Variants in PLA2G6 observed in about 807,000 individuals in gnomAD.
PLA2G6 encodes the protein 85/88 kDa calcium-independent phospholipase A2.
Under a neutral mutation model 83.8 loss-of-function variants are expected in PLA2G6, and 62 were observed. The ratio of observed to expected loss-of-function variants is 0.74; its 90% confidence interval spans 0.60 to 0.91. The LOEUF is 0.91. Ranked by LOEUF, PLA2G6 falls within the 40% of genes least tolerant of loss-of-function variation. The probability of loss-of-function intolerance (pLI) is 0.00; values close to 1 mark genes in which losing one functional copy is unlikely to be tolerated. For missense variants in PLA2G6, 944 were observed against 1,102.0 expected (o/e 0.86, Z 2.03); for synonymous variants, 417 against 449.8 (o/e 0.93, Z 0.92).
chr22:38,148,855 ATTTC>A, intron 2 of PLA2G6: 1 of 193,168 alleles, frequency 5.2e-6, no homozygotes, highest in Non-Finnish European at 9.5e-6. Flanking sequence ...GCTCTAGATT[ATTTC>A]TTTTTTTTTT....
intron 2 of PLA2G6, chr22:38,146,438 C>G (rs935703701): frequency 2.0e-5 from 3 of 152,234 alleles, no homozygotes; most frequent in African/African-American, 7.2e-5. Flanking sequence ...CCTGCCTCAG[C>G]CTCCAAAAGT....
At position 38,127,253 on chromosome 22, in the gene PLA2G6, G is replaced by A. The variant is rs955715483; in HGVS notation, c.1349-804C>T. On this transcript the variant is annotated intron_variant, in intron 9 of 16. Coordinates refer to ENST00000332509, the MANE Select transcript of PLA2G6 (RefSeq NM_003560.4). ...GGCACACGGCTCCACAGTGAACAAG[G>A]GAAGCAGAAGAGTGGCTGAGAGAGG... is the stretch of plus-strand genomic sequence containing the variant. 3.3e-6 allele frequency: 4 copies of A among 1,225,592 alleles called. No homozygotes were observed. In the Admixed American group the frequency reaches 1.1e-4, roughly 34 times the overall value. 75.9% of individuals were successfully genotyped at this position (1,225,592 alleles called of 1,614,324 possible). A position where few individuals can be genotyped will look rare whatever the true frequency, so the allele number is the denominator to read the frequency against.
chr22:38,129,488 C>T lies in PLA2G6; in HGVS notation c.1152G>A (p.Glu384=), dbSNP rs2088076225. Residue 384 remains glutamate (E), a synonymous_variant, in exon 8 of 17, where the codon GAG becomes GAA. Coordinates refer to ENST00000332509, the MANE Select transcript of PLA2G6 (RefSeq NM_003560.4). ...AEVDTPNDFG[E]TPTFLASKIG... is the part of the protein sequence containing the mutation. ...TTTTGGAGGCTAGGAATGTAGGAGT[C>T]TCCCCAAAGTCATTCGGGGTGTCCA... 6.2e-7 allele frequency: 1 copy of T among 1,613,776 alleles called. No homozygotes were observed.
chr22:38,118,924 GTTAGTT>G (rs566102915), intron 12 of PLA2G6, among the ~76,000 whole-genome samples: 238 of 151,676 alleles, frequency 1.6e-3, no homozygotes, highest in African/African-American at 5.5e-3. Flanking sequence ...CCAGCTAATT[GTTAGTT>G]TTAAATTTTT....
intron 12 of PLA2G6, among the ~76,000 whole-genome samples, chr22:38,119,371 A>G (rs2087392922): frequency 6.6e-6 from 1 of 152,202 alleles, no homozygotes; most frequent in South Asian, 2.1e-4. Flanking sequence ...AAATTGGCCA[A>G]TCACGTGGAA....
At chr22:38,116,378 G>C (rs563618596) in intron 12 of PLA2G6, 167 bp from the exon 13 acceptor site, 10 of 797,102 alleles carry the variant, frequency 1.3e-5, no homozygotes, top group Non-Finnish European at 2.0e-5. Context: ...GGCTCTCTCC[G>C]GCAGTGCTGG....
chr22:38,120,474 A>G (rs2087458260), intron 12 of PLA2G6, among the ~76,000 whole-genome samples: 1 of 151,042 alleles, frequency 6.6e-6, no homozygotes, highest in African/African-American at 2.5e-5. Context: ...GGCAGGGCAG[A>G]GCCAGGCAGG....
intron 4 of PLA2G6, 42 bp from the exon 5 acceptor site, chr22:38,140,211 A>G (rs542700026): frequency 8.8e-6 from 14 of 1,595,030 alleles, no homozygotes; most frequent in Non-Finnish European, 1.2e-5. Context: ...TAGGATGCTG[A>G]TAAGAACGTA....
At chr22:38,180,767 A>G (rs546731006) in intron 1 of PLA2G6, among the ~76,000 whole-genome samples, 1 of 152,306 alleles carries the variant, frequency 6.6e-6, no homozygotes, top group East Asian at 1.9e-4. Context: ...ACCTCATGGC[A>G]GACTTACGAG....
intron 1 of PLA2G6, among the ~76,000 whole-genome samples, chr22:38,176,477 T>C (rs16998801): frequency 4.6e-5 from 7 of 152,170 alleles, no homozygotes; most frequent in African/African-American, 1.7e-4. Flanking sequence ...TTGGAACAAC[T>C]GTTGGATGGT....
chr22:38,121,862 T>C (rs982700280), intron 11 of PLA2G6, among the ~76,000 whole-genome samples: 2 of 152,158 alleles, frequency 1.3e-5, no homozygotes, highest in African/African-American at 4.8e-5. Context: ...GCTGGGACCC[T>C]GAGGCTGGGG....
intron 2 of PLA2G6, 82 bp from the exon 3 acceptor site, chr22:38,145,735 TC>T: frequency 1.0e-6 from 1 of 956,538 alleles, no homozygotes; most frequent in Non-Finnish European, 1.6e-6. Flanking sequence ...AATCAGAAGG[TC>T]CCCAGGCTGC....
chr22:38,111,885 TG>T lies in PLA2G6; in HGVS notation c.*275del, dbSNP rs2086888174. The T allele has an allele frequency of 1.6e-5, 8 of 499,078 alleles. No homozygotes were observed. The East Asian group carries it at 2.9e-4, about 18-fold the overall frequency. The allele number at this position is 499,078 out of a possible 1,614,324, so 30.9% of individuals were successfully genotyped here. A position where few individuals can be genotyped will look rare whatever the true frequency, so the allele number is the denominator to read the frequency against. On this transcript the variant is annotated 3_prime_UTR_variant, in exon 17 of 17. Transcript: ENST00000332509. Reference sequence around the variant, plus strand: ...CGGGTACCCTTAATGTTTGAGCTGATGGGGGAGTCAGTTGTCCTTGACAGTC... The same window carrying T: ...CGGGTACCCTTAATGTTTGAGCTGATGGGGAGTCAGTTGTCCTTGACAGTC...
rs2088269074 is a variant in PLA2G6 at position 38,132,331 on chromosome 22, C to T, written c.1077+500G>A. The T allele has an allele frequency of 3.0e-6, 1 of 329,576 alleles. No homozygotes were observed. Among genetic ancestry groups the T allele is most frequent in the Non-Finnish European group, 5.9e-6 (1 of 168,706 alleles). The allele number at this position is 329,576 out of a possible 1,614,324, so 20.4% of individuals were successfully genotyped here. ...TGCCTGCCAGGATCTTACAGCCTCC[C>T]AGGGAAGATGAGAGCAACACGCGGA... On this transcript the variant is annotated intron_variant, in intron 7 of 16. Transcript: ENST00000332509. This position sits in a 1 kb window ranked among gnomAD's most constrained non-coding sequence, Gnocchi z 5.0.
intron 15 of PLA2G6, 39 bp downstream of exon 15, chr22:38,113,447 AC>A: frequency 1.2e-6 from 2 of 1,602,946 alleles, no homozygotes; most frequent in African/African-American, 1.3e-5. Context: ...TGGGCTACAG[AC>A]CCTGAGGGAA....
At chr22:38,149,505 AG>A (rs1462667459) in intron 2 of PLA2G6, 7 of 152,248 alleles carry the variant, frequency 4.6e-5, no homozygotes. Context: ...AAAATATAGT[AG>A]AGTACATAAG....
chr22:38,166,619 C>T (rs2090225326), intron 2 of PLA2G6, among the ~76,000 whole-genome samples: 1 of 152,082 alleles, frequency 6.6e-6, no homozygotes, highest in Admixed American at 6.6e-5. Context: ...GTCTCAGCTA[C>T]TCGGGAGGCT....
chr22:38,170,195 CAAAAA>C (rs132990), intron 1 of PLA2G6, among the ~76,000 whole-genome samples: 15 of 75,532 alleles, frequency 2.0e-4, no homozygotes, highest in South Asian at 1.7e-3. Context: ...GACTCTGTCT[CAAAAA>C]AAAAAAAAAA....
intron 2 of PLA2G6, among the ~76,000 whole-genome samples, chr22:38,162,976 C>G (rs1176699442): frequency 6.6e-6 from 1 of 152,124 alleles, no homozygotes; most frequent in Non-Finnish European, 1.5e-5. Context: ...AGGCTGAAGC[C>G]ACCTGGCCTC....
Sources: allele counts gnomAD v4.1 joint callset (sites outside exome capture counted in the v4.1 genomes callset), GRCh38; gene constraint gnomAD v4.1.1; non-coding constraint Gnocchi (gnomAD v3.1); transcripts MANE v1.5; gene names NCBI Gene and HGNC (gene_info 2026-07-23, HGNC 2026-07-21).